CX3CR1: variants seen among roughly 807,000 people sequenced by gnomAD.
The protein encoded by CX3CR1 is C-X3-C motif chemokine receptor 1.
For synonymous variants in CX3CR1, 168 were observed against 178.5 expected, an observed-to-expected ratio of 0.94 and a Z score of 0.47; for missense variants, 363 against 432.4, an observed-to-expected ratio of 0.84 and a Z score of 1.42.
the CX3CR1 span, among the ~76,000 whole-genome samples, chr3:39,292,863 G>A: frequency 6.7e-3 from 1,020 of 152,332 alleles, 11 homozygotes; most frequent in African/African-American, 0.023. Flanking sequence ...ACTGGCATCT[G>A]TCTGCTTTGA....
intron 1 of CX3CR1, among the ~76,000 whole-genome samples, chr3:39,273,691 T>G (rs1278509941): frequency 6.6e-6 from 1 of 152,154 alleles, no homozygotes; most frequent in Non-Finnish European, 1.5e-5. Flanking sequence ...CAGGCTGGAG[T>G]GCAGTGGCAT....
In CX3CR1 at chr3:39,265,129, CACAATATGA is replaced by C; in HGVS notation, c.*304_*312del. 4.1e-6 allele frequency: 1 copy of C among 245,544 alleles called. No homozygotes were observed. Among genetic ancestry groups the C allele is most frequent in the Non-Finnish European group, 7.8e-6 (1 of 128,510 alleles). 15.2% of individuals were successfully genotyped at this position (245,544 alleles called of 1,614,324 possible). A position where few individuals can be genotyped will look rare whatever the true frequency, so the allele number is the denominator to read the frequency against. On this transcript the variant is annotated 3_prime_UTR_variant, in exon 2 of 2. Transcript: ENST00000399220. ...GGCTCAGACACCCTTTTGCTTGTGC[CACAATATGA>C]ACAATATTCACCACCCTCATTTAAC...
Position 39,265,723 on chromosome 3 carries a change from G to T in CX3CR1, c.787C>A (p.Pro263Thr). ...AGATCCTTCCTCATGTCACAACTGG[G>T]AAAGAAGTCATAGAGCTTAAGCGTC... ...LETLKLYDFF[P>T]SCDMRKDLRL... Residue 263 changes from proline to threonine, a missense_variant, in exon 2 of 2, where the codon CCC becomes ACC. Coordinates refer to ENST00000399220, the MANE Select transcript of CX3CR1 (RefSeq NM_001337.4). 6 of 1,614,224 alleles carry T rather than the reference G, an allele frequency of 3.7e-6. No individual in the cohort carries two copies. Among genetic ancestry groups the T allele is most frequent in the Non-Finnish European group, 5.1e-6 (6 of 1,180,040 alleles).
At chr3:39,271,642 A>G (rs2040778279) in intron 1 of CX3CR1, among the ~76,000 whole-genome samples, 11 of 152,210 alleles carry the variant, frequency 7.2e-5, no homozygotes, top group Admixed American at 7.2e-4. Flanking sequence ...ATTGGGCAAC[A>G]TAGGGTTTTG....
chr3:39,286,914 T>C, the CX3CR1 span: 1 of 152,252 alleles, frequency 6.6e-6, no homozygotes, highest in Middle Eastern at 3.2e-3. Context: ...TCTGACCATC[T>C]ACTTTCTTAG....
chr3:39,278,458 A>T (rs1419533484), intron 1 of CX3CR1, among the ~76,000 whole-genome samples: 1 of 152,072 alleles, frequency 6.6e-6, no homozygotes, highest in Non-Finnish European at 1.5e-5. Flanking sequence ...TCTCCAGCAC[A>T]GGTCCGTCAC....
intron 1 of CX3CR1, among the ~76,000 whole-genome samples, chr3:39,268,913 C>G (rs1016708651): frequency 9.9e-5 from 15 of 152,194 alleles, no homozygotes; most frequent in African/African-American, 3.4e-4. Flanking sequence ...GAAGCAAAAG[C>G]CCTTTGGATC....
At chr3:39,284,915 G>A (rs1281440853), upstream of CX3CR1, among the ~76,000 whole-genome samples, 1 of 152,192 alleles carries the variant, frequency 6.6e-6, no homozygotes, top group Non-Finnish European at 1.5e-5. Context: ...GACCAGACAC[G>A]TTGAGGGTCA....
chr3:39,263,962 G>A lies in CX3CR1; in HGVS notation c.*1480C>T, dbSNP rs1480238207. ...TTTAAACTTTTAGATTGTTCCAAAC[G>A]TTTCTAGGGGGGAAAAAAAAGCTGC... On this transcript the variant is annotated 3_prime_UTR_variant, in exon 2 of 2. Coordinates refer to ENST00000399220, the MANE Select transcript of CX3CR1 (RefSeq NM_001337.4). 1 of 152,094 alleles carries A rather than the reference G, an allele frequency of 6.6e-6. No homozygotes were observed. Among genetic ancestry groups the A allele is most frequent in the Non-Finnish European group, 1.5e-5 (1 of 68,010 alleles). The allele number at this position is 152,094 out of a possible 1,614,324, so 9.4% of individuals were successfully genotyped here. A position where few individuals can be genotyped will look rare whatever the true frequency, so the allele number is the denominator to read the frequency against.
intron 1 of CX3CR1, chr3:39,266,787 CA>C (rs2040707058): frequency 3.2e-6 from 2 of 623,716 alleles, no homozygotes; most frequent in African/African-American, 1.9e-5. Flanking sequence ...TGGCTCTAGG[CA>C]TTTTTTTTTT....
At chr3:39,275,883 T>C (rs1011503257) in intron 1 of CX3CR1, among the ~76,000 whole-genome samples, 4 of 149,208 alleles carry the variant, frequency 2.7e-5, no homozygotes, top group Non-Finnish European at 5.9e-5. Flanking sequence ...TATATCTGTC[T>C]CCTTAAAAAC....
upstream of CX3CR1, among the ~76,000 whole-genome samples, chr3:39,285,639 C>G (rs1371717399): frequency 6.6e-6 from 1 of 152,164 alleles, no homozygotes; most frequent in African/African-American, 2.4e-5. Flanking sequence ...CTTTGCAATA[C>G]TTAAAAATAT....
upstream of CX3CR1, chr3:39,281,626 A>T (rs1004230971): frequency 1.3e-6 from 2 of 1,598,968 alleles, no homozygotes; most frequent in Middle Eastern, 1.7e-4. Flanking sequence ...GCCATTCTCC[A>T]CCCAGAAGCC....
At chr3:39,268,492 C>A (rs2040731554) in intron 1 of CX3CR1, among the ~76,000 whole-genome samples, 1 of 152,184 alleles carries the variant, frequency 6.6e-6, no homozygotes, top group African/African-American at 2.4e-5. Flanking sequence ...CCCAGACAAG[C>A]TGCTGTATGA....
chr3:39,265,811 G>C lies in CX3CR1; in HGVS notation c.699C>G (p.Ile233Met). The change falls in exon 2 of 2, where the codon ATC becomes ATG. Residue 233 changes from isoleucine to methionine, a missense_variant. Ile to Met is a conservative substitution (Grantham distance 10). Transcript: ENST00000399220. ...GGAAAAACACGATGACCACCAGAAG[G>C]ATCAGTTTAATGGCTTTGGCTTTCT... ...NHKKAKAIKL[I>M]LLVVIVFFLF... is the part of the protein sequence containing the mutation. The C allele has an allele frequency of 6.2e-7, 1 of 1,614,112 alleles. No individual in the cohort carries two copies. Among genetic ancestry groups the C allele is most frequent in the Non-Finnish European group, 8.5e-7 (1 of 1,179,976 alleles).
the CX3CR1 span, among the ~76,000 whole-genome samples, chr3:39,291,323 C>T: frequency 1.2e-4 from 18 of 152,194 alleles, no homozygotes; most frequent in Non-Finnish European, 2.5e-4. Flanking sequence ...TCCCAAAGTG[C>T]TGGGATTACA....
intron 1 of CX3CR1, among the ~76,000 whole-genome samples, chr3:39,274,399 A>T (rs2040814912): frequency 6.7e-6 from 1 of 149,696 alleles, no homozygotes; most frequent in Admixed American, 6.8e-5. Flanking sequence ...CAATGAGCCC[A>T]TCTAGAACAG....
upstream of CX3CR1, among the ~76,000 whole-genome samples, chr3:39,285,304 C>T (rs2040936654): frequency 6.6e-6 from 1 of 151,894 alleles, no homozygotes; most frequent in South Asian, 2.1e-4. Context: ...CACTTGAGCC[C>T]AGGATTCAAG....
At chr3:39,276,166 T>A (rs2040838621) in intron 1 of CX3CR1, among the ~76,000 whole-genome samples, 1 of 152,094 alleles carries the variant, frequency 6.6e-6, no homozygotes, top group Admixed American at 6.6e-5. Context: ...GGAAAGTCAG[T>A]TTAGGCTGAG....
Sources: gnomAD v4.1 joint callset for allele counts (sites outside exome capture counted in the v4.1 genomes callset) on GRCh38, gnomAD v4.1.1 for gene constraint, MANE v1.5 for transcripts, NCBI Gene and HGNC (gene_info 2026-07-23, HGNC 2026-07-21) for gene names.